PPP4R4: variants seen among roughly 807,000 people sequenced by gnomAD.
PPP4R4 encodes the protein serine/threonine-protein phosphatase 4 regulatory subunit 4.
A neutral mutation model predicts 121.8 loss-of-function variants in PPP4R4; 70 were observed. The observed-to-expected ratio is 0.57, with a 90% CI of 0.47 to 0.70. The LOEUF (loss-of-function observed/expected upper bound fraction) is 0.70, where lower values mean the gene tolerates loss of function less well. Among genes scored for constraint, PPP4R4 ranks in the 30% least tolerant of loss-of-function variants. The pLI is 0.00. For missense variants in PPP4R4, 875 were observed against 1,033.6 expected, an observed-to-expected ratio of 0.85 and a Z score of 2.10; for synonymous variants, 348 against 355.7, an observed-to-expected ratio of 0.98 and a Z score of 0.24.
At chr14:94,188,994 CA>C (rs1889448520) in intron 2 of PPP4R4, among the ~76,000 whole-genome samples, 1 of 151,944 alleles carries the variant, frequency 6.6e-6, no homozygotes. Flanking sequence ...ACTGATAATT[CA>C]TATATTGTTG....
chr14:94,269,670 C>A (rs1027616593), intron 23 of PPP4R4, among the ~76,000 whole-genome samples: 8 of 149,860 alleles, frequency 5.3e-5, no homozygotes, highest in South Asian at 2.1e-4. Context: ...AAAAAAAAAA[C>A]AAAAACAAAA....
intron 12 of PPP4R4, 85 bp downstream of exon 12, chr14:94,244,797 T>G: frequency 7.7e-7 from 1 of 1,306,814 alleles, no homozygotes; most frequent in Admixed American, 3.0e-5. Flanking sequence ...CTTCTTGGAA[T>G]CGTGTCAACT....
At chr14:94,182,370 A>G (rs7150045) in intron 2 of PPP4R4, among the ~76,000 whole-genome samples, 96,402 of 151,998 alleles carry the variant, frequency 0.63, 32,318 homozygotes, top group Non-Finnish European at 0.75. Flanking sequence ...CAGTATCCAG[A>G]TTAAAGCATA....
chr14:94,275,352 A>C (rs1240796256), intron 23 of PPP4R4, 22 bp from the exon 24 acceptor site: 1 of 1,612,516 alleles, frequency 6.2e-7, no homozygotes, highest in Non-Finnish European at 8.5e-7. Flanking sequence ...GGTATGTCTG[A>C]CTTTATATGT....
chr14:94,215,466 C>A (rs937409476), intron 3 of PPP4R4, among the ~76,000 whole-genome samples: 2 of 152,122 alleles, frequency 1.3e-5, no homozygotes, highest in Non-Finnish European at 2.9e-5. Context: ...ATAAGCAGAT[C>A]ATGATGTTCC....
intron 3 of PPP4R4, chr14:94,227,195 C>A: frequency 2.0e-6 from 2 of 994,260 alleles, no homozygotes; most frequent in South Asian, 1.8e-5. Flanking sequence ...GTTGGGATGC[C>A]AGCCGTACAA....
At chr14:94,201,373 T>A (rs1259009935) in intron 2 of PPP4R4, among the ~76,000 whole-genome samples, 1 of 152,212 alleles carries the variant, frequency 6.6e-6, no homozygotes, top group Non-Finnish European at 1.5e-5. Flanking sequence ...AAGTCCATTG[T>A]TGCCTTGTTG....
chr14:94,241,475 A>G (rs916616559), intron 9 of PPP4R4, among the ~76,000 whole-genome samples: 2 of 152,098 alleles, frequency 1.3e-5, no homozygotes, highest in African/African-American at 4.8e-5. Flanking sequence ...AAATAGCCAC[A>G]ATGTTACTAT....
At chr14:94,192,216 G>A (rs1298121088) in intron 2 of PPP4R4, among the ~76,000 whole-genome samples, 1 of 152,048 alleles carries the variant, frequency 6.6e-6, no homozygotes, top group Non-Finnish European at 1.5e-5. Context: ...ACCTTTTAAG[G>A]CAATGTTTTA....
intron 2 of PPP4R4, among the ~76,000 whole-genome samples, chr14:94,205,857 T>C (rs951856894): frequency 6.6e-6 from 1 of 152,036 alleles, no homozygotes; most frequent in African/African-American, 2.4e-5. Flanking sequence ...AAATTCTGTA[T>C]TATTTAAATT....
intron 3 of PPP4R4, among the ~76,000 whole-genome samples, chr14:94,229,618 C>T (rs60712112): frequency 0.2 from 30,592 of 152,010 alleles, 3,608 homozygotes; most frequent in East Asian, 0.59. Flanking sequence ...TTTAAATCTT[C>T]ATGAAGATGT....
In PPP4R4 at chr14:94,181,790, A is replaced by G. The variant is rs189915811; in HGVS notation, c.191+5663A>G. 1.6e-4 allele frequency among the ~76,000 whole-genome samples: 24 copies of G among 152,322 alleles called. No individual in the cohort carries two copies. The East Asian group carries it at 3.7e-3, about 23-fold the overall frequency. On this transcript the variant is annotated intron_variant, in intron 2 of 24. Transcript: ENST00000304338. ...ATGTTTATTGAATTTAGTTTTTCTA[A>G]AACTTTTAACTTAATTTGATAGAAA... is the stretch of plus-strand genomic sequence containing the variant.
chr14:94,222,641 T>C (rs777535811), intron 3 of PPP4R4, among the ~76,000 whole-genome samples: 134 of 151,904 alleles, frequency 8.8e-4, no homozygotes, highest in Admixed American at 2.4e-3. Context: ...TAACAAATTA[T>C]CTTTGTTTTT....
chr14:94,255,137 C>A (rs75209699), intron 16 of PPP4R4, among the ~76,000 whole-genome samples: 1 of 152,206 alleles, frequency 6.6e-6, no homozygotes. Flanking sequence ...CAGACTTAAT[C>A]TGTCCAGAAT....
At chr14:94,194,924 T>A (rs1889789201) in intron 2 of PPP4R4, among the ~76,000 whole-genome samples, 1 of 152,228 alleles carries the variant, frequency 6.6e-6, no homozygotes, top group South Asian at 2.1e-4. Context: ...CACAACCTTT[T>A]CACAAACTCC....
intron 3 of PPP4R4, chr14:94,227,584 G>A (rs1398456234): frequency 6.9e-6 from 9 of 1,297,016 alleles, no homozygotes; most frequent in Non-Finnish European, 8.8e-6. Context: ...AATAGTTGGG[G>A]CAAATGTTGC....
intron 16 of PPP4R4, among the ~76,000 whole-genome samples, chr14:94,252,659 T>C (rs999709801): frequency 6.6e-6 from 1 of 152,192 alleles, no homozygotes; most frequent in African/African-American, 2.4e-5. Context: ...AGCCATTAGA[T>C]TTCTGTGTTC....
chr14:94,260,673 T>A (rs1343113827), intron 19 of PPP4R4, among the ~76,000 whole-genome samples: 2 of 152,146 alleles, frequency 1.3e-5, no homozygotes, highest in African/African-American at 4.8e-5. Context: ...GTGGGTTGTT[T>A]ATTATTGTTG....
chr14:94,207,710 C>CTA (rs753400733), intron 2 of PPP4R4, among the ~76,000 whole-genome samples: 51 of 150,372 alleles, frequency 3.4e-4, no homozygotes, highest in African/African-American at 7.1e-4. Flanking sequence ...ATCTATCTAT[C>CTA]TATATATATA....
Sources: allele counts gnomAD v4.1 joint callset (sites outside exome capture counted in the v4.1 genomes callset), GRCh38; gene constraint gnomAD v4.1.1; transcripts MANE v1.5; gene names NCBI Gene and HGNC (gene_info 2026-07-23, HGNC 2026-07-21).